DAB1: variants seen among roughly 807,000 people sequenced by gnomAD.
The protein encoded by DAB1 is DAB adaptor protein 1.
A neutral mutation model predicts 64.6 loss-of-function variants in DAB1; 15 were observed. The observed-to-expected ratio is 0.23, with a 90% CI of 0.16 to 0.36. The LOEUF is 0.36. DAB1 is among the 10% of genes least tolerant of loss of function. The pLI is 1.00. For missense variants in DAB1, 596 were observed against 706.7 expected, an observed-to-expected ratio of 0.84 and a Z score of 1.78; for synonymous variants, 235 against 251.9, an observed-to-expected ratio of 0.93 and a Z score of 0.64.
intron 1 of DAB1, among the ~76,000 whole-genome samples, chr1:57,341,364 C>T (rs1055706629): frequency 7.2e-5 from 11 of 152,196 alleles, no homozygotes; most frequent in Non-Finnish European, 1.3e-4. Flanking sequence ...TTAGTTTTAA[C>T]ACTCAGCAAA....
At chr1:57,692,299 A>G (rs1025676566) in intron 6 of DAB1, among the ~76,000 whole-genome samples, 10 of 152,096 alleles carry the variant, frequency 6.6e-5, no homozygotes, top group African/African-American at 2.4e-4. Flanking sequence ...CTCCTAGAAG[A>G]ATGATTTCTA....
At chr1:57,572,332 A>G (rs1645202557) in intron 7 of DAB1, among the ~76,000 whole-genome samples, 1 of 152,212 alleles carries the variant, frequency 6.6e-6, no homozygotes, top group African/African-American at 2.4e-5. Flanking sequence ...CTCATCTGCA[A>G]GACAGGAATT....
chr1:58,425,310 A>G (rs1401835283), intron 3 of DAB1, among the ~76,000 whole-genome samples: 3 of 152,198 alleles, frequency 2.0e-5, no homozygotes, highest in African/African-American at 7.2e-5. Flanking sequence ...AGCCAACATG[A>G]AAGACAAGCC....
At chr1:57,868,881 CTG>C (rs1242353775) in intron 1 of DAB1, among the ~76,000 whole-genome samples, 1 of 152,072 alleles carries the variant, frequency 6.6e-6, no homozygotes, top group Non-Finnish European at 1.5e-5. Context: ...TCCACCTAAA[CTG>C]TTTTTCTTCT....
chr1:57,416,663 T>G (rs1010830246), intron 1 of DAB1, among the ~76,000 whole-genome samples: 1 of 152,192 alleles, frequency 6.6e-6, no homozygotes, highest in African/African-American at 2.4e-5. Context: ...ATTTTCAAGT[T>G]CACTGATCAC....
At chr1:57,071,465 T>C (rs759508268) in intron 6 of DAB1, 57 bp downstream of exon 6, 53 of 1,577,922 alleles carry the variant, frequency 3.4e-5, no homozygotes, top group East Asian at 4.5e-5. Context: ...TGTCAGTTTT[T>C]ACATGTGTTT....
intron 7 of DAB1, among the ~76,000 whole-genome samples, chr1:57,625,263 G>C (rs956548854): frequency 1.3e-5 from 2 of 149,814 alleles, no homozygotes; most frequent in African/African-American, 4.9e-5. Flanking sequence ...TCTACTCCTG[G>C]CTCTATCTTT....
chr1:57,086,390 T>C (rs948792224), intron 4 of DAB1, among the ~76,000 whole-genome samples: 1 of 152,072 alleles, frequency 6.6e-6, no homozygotes, highest in Non-Finnish European at 1.5e-5. Context: ...CAAATAAACC[T>C]GGCTCTCCCT....
chr1:57,979,749 T>C (rs1192263412), intron 5 of DAB1, among the ~76,000 whole-genome samples: 1 of 152,198 alleles, frequency 6.6e-6, no homozygotes, highest in East Asian at 1.9e-4. Flanking sequence ...AGTCTCATTT[T>C]ACTCATCTGT....
intron 4 of DAB1, among the ~76,000 whole-genome samples, chr1:57,111,244 T>A (rs1338072496): frequency 1.3e-5 from 2 of 152,102 alleles, no homozygotes; most frequent in African/African-American, 4.8e-5. Context: ...AGGCCACGTG[T>A]TCAAGAGAAG....
chr1:57,000,394 G>C (rs1357822159), intron 14 of DAB1, among the ~76,000 whole-genome samples: 1 of 152,084 alleles, frequency 6.6e-6, no homozygotes, highest in Admixed American at 6.5e-5. Flanking sequence ...TCCTCAATGA[G>C]AGTCTGTTGA....
rs182404551 is a variant in DAB1 at position 58,253,720 on chromosome 1, A to G, written n.309+89632T>C. Among the ~76,000 whole-genome samples the G allele has an allele frequency of 2.3e-3, 346 of 152,338 alleles. 3 individuals carry two copies. The highest frequency in any genetic ancestry group is 7.8e-3 in the African/African-American group (326 of 41,578). On this transcript the variant is annotated intron_variant and non_coding_transcript_variant, in intron 4 of 20. Coordinates refer to the DAB1 transcript ENST00000485760. Reference sequence around the variant, plus strand: ...GATTGAGTGACTTGCTCAAAGACCAACAGCTAACTAGTAAGAGTTAAGATT... The same window carrying G: ...GATTGAGTGACTTGCTCAAAGACCAGCAGCTAACTAGTAAGAGTTAAGATT...
rs530999567 is a variant in DAB1 at position 57,269,116 on chromosome 1, A to G, written c.67+21848T>C. 1.7e-3 allele frequency among the ~76,000 whole-genome samples: 260 copies of G among 152,232 alleles called. 1 individual carries two copies. The highest frequency in any genetic ancestry group is 3.1e-3 in the Non-Finnish European group (213 of 68,010). ...AGATACAGCCACTGTCAGAGCCACAACCGGAAGTGGAGAGGTAGAAGTGCT... is the reference window on the plus strand; with the variant it reads ...AGATACAGCCACTGTCAGAGCCACAGCCGGAAGTGGAGAGGTAGAAGTGCT... On this transcript the variant is annotated intron_variant, in intron 2 of 14. Transcript: ENST00000371236.
intron 6 of DAB1, among the ~76,000 whole-genome samples, chr1:57,676,281 GAAGACCTTCTGTTCAAAATATTT>G (rs1646565206): frequency 6.6e-6 from 1 of 152,214 alleles, no homozygotes; most frequent in Non-Finnish European, 1.5e-5. Context: ...TTCAGGAAGA[GAAGACCTTCTGTTCAAAATATTT>G]AAGACCCAAA....
intron 5 of DAB1, among the ~76,000 whole-genome samples, chr1:58,057,759 T>G (rs1327588285): frequency 1.3e-5 from 2 of 152,170 alleles, no homozygotes; most frequent in African/African-American, 2.4e-5. Context: ...TTTGTGGTAC[T>G]TTGTCATGGC....
intron 7 of DAB1, among the ~76,000 whole-genome samples, chr1:57,598,974 A>G (rs1645544009): frequency 6.6e-6 from 1 of 151,108 alleles, no homozygotes; most frequent in African/African-American, 2.4e-5. Flanking sequence ...AAGACTCTCA[A>G]CTCCCTTATA....
At chr1:57,812,680 A>C (rs913693919) in intron 6 of DAB1, among the ~76,000 whole-genome samples, 2 of 152,382 alleles carry the variant, frequency 1.3e-5, no homozygotes, top group Non-Finnish European at 2.9e-5. Context: ...ATTCACAAAC[A>C]GTAAATGGCA....
intron 4 of DAB1, among the ~76,000 whole-genome samples, chr1:58,286,983 C>A (rs1198814020): frequency 6.6e-6 from 1 of 152,176 alleles, no homozygotes; most frequent in Admixed American, 6.5e-5. Flanking sequence ...GAATACTATG[C>A]ATCCATAAAA....
At chr1:57,721,799 T>C (rs1647154602) in intron 6 of DAB1, among the ~76,000 whole-genome samples, 1 of 152,176 alleles carries the variant, frequency 6.6e-6, no homozygotes, top group East Asian at 1.9e-4. Context: ...CATCCATCTA[T>C]GTGCTTTGTG....
Sources: allele counts gnomAD v4.1 joint callset (sites outside exome capture counted in the v4.1 genomes callset), GRCh38; gene constraint gnomAD v4.1.1; transcripts MANE v1.5; gene names NCBI Gene and HGNC (gene_info 2026-07-23, HGNC 2026-07-21).